PRDM16: variants seen among roughly 807,000 people sequenced by gnomAD.
PRDM16 encodes PR/SET domain 16, also known as histone-lysine N-methyltransferase PRDM16.
PRDM16 carries 23 observed loss-of-function variants against 110.6 expected under a neutral mutation model. That is an observed-to-expected ratio of 0.21 (90% CI 0.15 to 0.29). PRDM16 has a LOEUF of 0.29. Ranked by LOEUF, PRDM16 falls within the 10% of genes least tolerant of loss-of-function variation. PRDM16 has a pLI of 1.00. For synonymous variants in PRDM16, 799 were observed against 781.8 expected, an observed-to-expected ratio of 1.02 and a Z score of -0.37; for missense variants, 1,615 against 1,794.3, an observed-to-expected ratio of 0.90 and a Z score of 1.81.
chr1:3,434,581 C>G lies in PRDM16; in HGVS notation c.*770C>G. The G allele has an allele frequency of 4.3e-6, 1 of 232,080 alleles. No homozygotes were observed. Among genetic ancestry groups the G allele is most frequent in the Non-Finnish European group, 8.5e-6 (1 of 117,302 alleles). 14.4% of individuals were successfully genotyped at this position (232,080 alleles called of 1,614,324 possible). Reference sequence around the variant, plus strand: ...ACGGCCGAAGAAGTCTTAGGCAGGGCGCCCTGGGCTGCAGGCCTGCCCGAG... The same window carrying G: ...ACGGCCGAAGAAGTCTTAGGCAGGGGGCCCTGGGCTGCAGGCCTGCCCGAG... On this transcript the variant is annotated 3_prime_UTR_variant, in exon 17 of 17. Transcript: ENST00000270722.
chr1:3,181,862 AGTCTTACACACG>A (rs1455794352), intron 1 of PRDM16, among the ~76,000 whole-genome samples: 2 of 89,430 alleles, frequency 2.2e-5, no homozygotes, highest in African/African-American at 7.4e-5. Flanking sequence ...TTACACACGC[AGTCTTACACACG>A]GTCTTGCACA....
intron 1 of PRDM16, among the ~76,000 whole-genome samples, chr1:3,085,526 T>C (rs149555321): frequency 1.3e-5 from 2 of 152,220 alleles, no homozygotes; most frequent in African/African-American, 4.8e-5. Flanking sequence ...TTGGACTGAA[T>C]CCTGGCACCC....
At chr1:3,087,381 C>T (rs1642174353) in intron 1 of PRDM16, among the ~76,000 whole-genome samples, 1 of 152,208 alleles carries the variant, frequency 6.6e-6, no homozygotes, top group African/African-American at 2.4e-5. Context: ...AGAGCACGGG[C>T]TGAGGAACGC....
chr1:3,142,356 G>C (rs1277008652), intron 1 of PRDM16, among the ~76,000 whole-genome samples: 1 of 152,278 alleles, frequency 6.6e-6, no homozygotes, highest in East Asian at 1.9e-4. Flanking sequence ...TCCCGGGGGT[G>C]CGGTGGGGAC....
chr1:3,314,129 C>A (rs1324768368), intron 3 of PRDM16, among the ~76,000 whole-genome samples: 1 of 144,912 alleles, frequency 6.9e-6, no homozygotes, highest in Admixed American at 6.9e-5. Context: ...AGGAGCGGAC[C>A]GCCTGAGCCC....
chr1:3,361,528 C>A (rs1642713692), intron 3 of PRDM16, among the ~76,000 whole-genome samples: 1 of 152,260 alleles, frequency 6.6e-6, no homozygotes, highest in Non-Finnish European at 1.5e-5. Flanking sequence ...GCTGTTCCTG[C>A]ATGCCACAGT....
At chr1:3,417,695 T>G (rs1425114467) in intron 10 of PRDM16, 133 bp from the exon 11 acceptor site, 2 of 778,896 alleles carry the variant, frequency 2.6e-6, no homozygotes, top group Non-Finnish European at 4.4e-6. Flanking sequence ...AAGAAAATAC[T>G]AGGAGACCAT....
intron 3 of PRDM16, among the ~76,000 whole-genome samples, chr1:3,341,487 C>T (rs2500260): frequency 0.3 from 45,850 of 151,940 alleles, 7,594 homozygotes; most frequent in Middle Eastern, 0.46. Context: ...GATCAGTGTC[C>T]GGCCAGCCTG....
At chr1:3,376,635 A>C (rs1642994556) in intron 3 of PRDM16, among the ~76,000 whole-genome samples, 2 of 152,140 alleles carry the variant, frequency 1.3e-5, no homozygotes, top group Non-Finnish European at 2.9e-5. Flanking sequence ...CTGCGAGTTT[A>C]GGAGAGAGGC....
Position 3,069,525 on chromosome 1 carries a change from C to A in PRDM16, c.37+229C>A, listed in dbSNP as rs906430213. Among the ~76,000 whole-genome samples, 5 of 148,420 alleles carry A rather than the reference C, an allele frequency of 3.4e-5. No individual in the cohort carries two copies. Among genetic ancestry groups the A allele is most frequent in the African/African-American group, 9.8e-5 (4 of 40,892 alleles). ...CGCGCGCTCCCCGAAGGCGCCGGCC[C>A]CCTCCCCGCGGAACCCCCTCCCCCC... is the stretch of plus-strand genomic sequence containing the variant. On this transcript the variant is annotated intron_variant, in intron 1 of 16. Transcript: ENST00000270722. The surrounding 1 kb of genome is among the most constrained non-coding windows in gnomAD (Gnocchi z 6.1).
chr1:3,175,958 TCCACTCACTCAC>T lies in PRDM16; in HGVS notation c.38-10163_38-10152del. Among the ~76,000 whole-genome samples the T allele has an allele frequency of 6.7e-6, 1 of 150,238 alleles. No homozygotes were observed. Among genetic ancestry groups the T allele is most frequent in the African/African-American group, 2.4e-5 (1 of 40,906 alleles). On this transcript the variant is annotated intron_variant, in intron 1 of 16. Coordinates refer to ENST00000270722, the MANE Select transcript of PRDM16 (RefSeq NM_022114.4). This position sits in a 1 kb window ranked among gnomAD's most constrained non-coding sequence, Gnocchi z 4.8. The stretch of plus-strand genomic sequence containing the variant: ...AGGTTGCCCTTACCCCATCCATCCA[TCCACTCACTCAC>T]CCATCCATCCATGCAGCCAGCCAGC...
At chr1:3,131,926 A>T (rs1170498338) in intron 1 of PRDM16, among the ~76,000 whole-genome samples, 1 of 152,238 alleles carries the variant, frequency 6.6e-6, no homozygotes, top group African/African-American at 2.4e-5. Context: ...GCCCCATAAT[A>T]CTTAAAATGC....
At chr1:3,318,812 CT>C (rs1461646396) in intron 3 of PRDM16, among the ~76,000 whole-genome samples, 2 of 152,220 alleles carry the variant, frequency 1.3e-5, no homozygotes, top group Non-Finnish European at 2.9e-5. Flanking sequence ...GCTTTTCCCC[CT>C]GCCTATTGAA....
chr1:3,286,427 G>A (rs1640845073), intron 3 of PRDM16, among the ~76,000 whole-genome samples: 1 of 152,216 alleles, frequency 6.6e-6, no homozygotes, highest in African/African-American at 2.4e-5. Flanking sequence ...CCAGCCCTGG[G>A]TTCCTGTTTC....
Position 3,090,883 on chromosome 1 carries a change from A to G in PRDM16, c.37+21587A>G, listed in dbSNP as rs568451245. Among the ~76,000 whole-genome samples the G allele has an allele frequency of 2.4e-4, 36 of 152,268 alleles. No homozygotes were observed. In the East Asian group the frequency reaches 4.6e-3, roughly 20 times the overall value. Reference sequence around the variant, plus strand: ...CCCTCAGGCTCCGAGCCGAAAGCAGAATCTCCAGGACCTGCTTCAGAGGCA... The same window carrying G: ...CCCTCAGGCTCCGAGCCGAAAGCAGGATCTCCAGGACCTGCTTCAGAGGCA... On this transcript the variant is annotated intron_variant, in intron 1 of 16. Transcript: ENST00000270722.
At chr1:3,332,069 G>A (rs929227404) in intron 3 of PRDM16, among the ~76,000 whole-genome samples, 5 of 152,238 alleles carry the variant, frequency 3.3e-5, no homozygotes, top group African/African-American at 9.6e-5. Flanking sequence ...CGAAGCACCC[G>A]TGGGTCCCCC....
At chr1:3,336,557 C>T (rs557973112) in intron 3 of PRDM16, among the ~76,000 whole-genome samples, 2 of 151,256 alleles carry the variant, frequency 1.3e-5, no homozygotes, top group South Asian at 4.2e-4. Flanking sequence ...TGCATGCATG[C>T]ACATGTGTGT....
At chr1:3,357,088 T>C (rs1642618869) in intron 3 of PRDM16, among the ~76,000 whole-genome samples, 1 of 152,044 alleles carries the variant, frequency 6.6e-6, no homozygotes, top group African/African-American at 2.4e-5. Flanking sequence ...AAAAGGAGTT[T>C]CTGCTGTGCG....
Position 3,436,737 on chromosome 1 carries a change from C to T in PRDM16, c.*2926C>T, listed in dbSNP as rs1196790752. 4.3e-6 allele frequency: 1 copy of T among 232,900 alleles called. No homozygotes were observed. Among genetic ancestry groups the T allele is most frequent in the East Asian group, 6.1e-5 (1 of 16,516 alleles). The allele number at this position is 232,900 out of a possible 1,614,324, so 14.4% of individuals were successfully genotyped here. On this transcript the variant is annotated 3_prime_UTR_variant, in exon 17 of 17. Transcript: ENST00000270722. ...AGAGATTCTGGCCTCCAGCTGTCAC[C>T]ACACCGTAACGGGGCCATGTAACTG...
Sources: gnomAD v4.1 joint callset for allele counts (sites outside exome capture counted in the v4.1 genomes callset) on GRCh38, gnomAD v4.1.1 for gene constraint, Gnocchi (gnomAD v3.1) non-coding constraint, MANE v1.5 for transcripts, NCBI Gene and HGNC (gene_info 2026-07-23, HGNC 2026-07-21) for gene names.